Variants in TWIST2 observed in about 807,000 individuals in gnomAD.
The protein encoded by TWIST2 is twist-related protein 2.
TWIST2 carries 1 observed loss-of-function variant against 11.6 expected under a neutral mutation model. The ratio of observed to expected loss-of-function variants is 0.09; its 90% CI spans 0.03 to 0.41. TWIST2 has a LOEUF of 0.41. Ranked by LOEUF, TWIST2 falls within the 10% of genes least tolerant of loss-of-function variation. The pLI is 0.98. For missense variants in TWIST2, 168 were observed against 226.4 expected (o/e 0.74, Z 1.66); for synonymous variants, 87 against 96.6 (o/e 0.90, Z 0.58).
At position 238,848,627 on chromosome 2, in the gene TWIST2, C is replaced by T; in HGVS notation, c.412C>T (p.His138Tyr). ...GATGACCAGCTGCAGCTACGTGGCC[C>T]ACGAGCGCCTCAGCTACGCCTTCTC... is the stretch of plus-strand genomic sequence containing the variant. ...NKMTSCSYVA[H>Y]ERLSYAFSVW... The change falls in exon 1 of 2, where the codon CAC becomes TAC. Residue 138 changes from histidine (H) to tyrosine (Y), a missense_variant. Physicochemically the swap from His to Tyr is moderately conservative, Grantham distance 83. This residue lies in a region of TWIST2 where 62 missense variants were observed against 75.3 expected (regional missense o/e 0.82). Coordinates refer to ENST00000612363, the MANE Select transcript of TWIST2 (RefSeq NM_001271893.4). 1 of 1,543,598 alleles carries T rather than the reference C, an allele frequency of 6.5e-7. No individual in the cohort carries two copies. The highest frequency in any genetic ancestry group is 8.7e-7 in the Non-Finnish European group (1 of 1,150,602).
intron 1 of TWIST2, among the ~76,000 whole-genome samples, chr2:238,870,200 A>C (rs1483987792): frequency 5.9e-5 from 3 of 50,854 alleles, no homozygotes; most frequent in Admixed American, 2.3e-4. Flanking sequence ...CATACCACAC[A>C]CAAACCACAC....
chr2:238,887,402 C>T (rs1299561898), intron 1 of TWIST2: 1 of 152,118 alleles, frequency 6.6e-6, no homozygotes, highest in South Asian at 2.1e-4. Flanking sequence ...ATTCTGGTGC[C>T]CTGGGCATGT....
chr2:238,878,748 T>C (rs143892057), intron 1 of TWIST2, among the ~76,000 whole-genome samples: 17,522 of 151,412 alleles, frequency 0.12, 1,180 homozygotes, highest in Non-Finnish European at 0.15. Context: ...CGCTAATAAC[T>C]GTCTGTGACC....
In TWIST2 at chr2:238,863,370, T is replaced by G. The variant is rs1692467675; in HGVS notation, c.*35+14637T>G. ...TACATTAAAGATGCCCGTCCATCAT[T>G]TTCAGAAGAGGCCTTTCGTGTTAGG... On this transcript the variant is annotated intron_variant, in intron 1 of 1. Transcript: ENST00000612363. The surrounding 1 kb of genome is among the most constrained non-coding windows in gnomAD (Gnocchi z 4.7). 6.6e-6 allele frequency among the ~76,000 whole-genome samples: 1 copy of G among 152,220 alleles called. No individual in the cohort carries two copies. The highest frequency in any genetic ancestry group is 2.4e-5 in the African/African-American group (1 of 41,454).
intron 1 of TWIST2, among the ~76,000 whole-genome samples, chr2:238,868,918 C>T (rs971841774): frequency 5.3e-5 from 8 of 152,224 alleles, no homozygotes; most frequent in Admixed American, 1.3e-4. Flanking sequence ...TGCATTCTCT[C>T]GCATTTTCTA....
intron 1 of TWIST2, among the ~76,000 whole-genome samples, chr2:238,894,698 GCT>G (rs1693187266): frequency 1.0e-3 from 158 of 150,698 alleles, no homozygotes; most frequent in African/African-American, 3.8e-3. Flanking sequence ...CACCTTCCTG[GCT>G]GTGCCTCCCA....
intron 1 of TWIST2, among the ~76,000 whole-genome samples, chr2:238,909,360 G>T (rs891334408): frequency 6.6e-6 from 1 of 152,080 alleles, no homozygotes; most frequent in East Asian, 1.9e-4. Flanking sequence ...GACAGCTCCC[G>T]CCAGCGGCTG....
intron 1 of TWIST2, among the ~76,000 whole-genome samples, chr2:238,871,881 C>G (rs934030499): frequency 2.0e-5 from 3 of 151,972 alleles, no homozygotes; most frequent in Admixed American, 6.5e-5. Flanking sequence ...CGATGGCTGC[C>G]GGGGGCCGAG....
intron 1 of TWIST2, among the ~76,000 whole-genome samples, chr2:238,870,863 CCACA>C (rs377713722): frequency 0.14 from 7,660 of 55,058 alleles, 1,858 homozygotes; most frequent in African/African-American, 0.24. Flanking sequence ...ACACCTTACC[CCACA>C]CACACCACAC....
chr2:238,859,964 C>T (rs146035988), intron 1 of TWIST2, among the ~76,000 whole-genome samples: 3,615 of 152,266 alleles, frequency 0.024, 163 homozygotes, highest in African/African-American at 0.082. Flanking sequence ...AGCCTCCATG[C>T]TGCTTGCAGT....
intron 1 of TWIST2, among the ~76,000 whole-genome samples, chr2:238,890,871 G>A (rs971869995): frequency 2.6e-5 from 4 of 152,024 alleles, no homozygotes; most frequent in African/African-American, 7.2e-5. Flanking sequence ...GATTGAAATC[G>A]TTCTGCCCAC....
chr2:238,879,932 G>A (rs1027749943), intron 1 of TWIST2, among the ~76,000 whole-genome samples: 2 of 152,218 alleles, frequency 1.3e-5, no homozygotes, highest in African/African-American at 4.8e-5. Flanking sequence ...CTGCCAGCTG[G>A]GGCATGGTTC....
At chr2:238,906,993 G>A (rs1013866856) in intron 1 of TWIST2, among the ~76,000 whole-genome samples, 2 of 152,356 alleles carry the variant, frequency 1.3e-5, no homozygotes, top group South Asian at 2.1e-4. Flanking sequence ...AGGTGTGGGA[G>A]TGAGCACTTA....
chr2:238,852,108 G>A (rs1559265897), intron 1 of TWIST2, among the ~76,000 whole-genome samples: 2 of 151,904 alleles, frequency 1.3e-5, no homozygotes, highest in Non-Finnish European at 2.9e-5. Context: ...CACAGATGCC[G>A]GATTCCTTTT....
chr2:238,875,647 C>G (rs765087090), intron 1 of TWIST2, among the ~76,000 whole-genome samples: 1 of 152,116 alleles, frequency 6.6e-6, no homozygotes, highest in Non-Finnish European at 1.5e-5. Flanking sequence ...AAGAAAGTGC[C>G]GTGAACTTCA....
At chr2:238,892,570 T>C (rs1693157466) in intron 1 of TWIST2, among the ~76,000 whole-genome samples, 1 of 152,128 alleles carries the variant, frequency 6.6e-6, no homozygotes, top group Non-Finnish European at 1.5e-5. Flanking sequence ...AACCTCCGCC[T>C]CCCAGATTCA....
intron 1 of TWIST2, among the ~76,000 whole-genome samples, chr2:238,888,537 T>C (rs927975140): frequency 5.9e-5 from 9 of 152,198 alleles, no homozygotes; most frequent in African/African-American, 2.2e-4. Flanking sequence ...TGTATATTCA[T>C]GGGGTCTGTA....
At chr2:238,865,845 G>A (rs1692520218) in intron 1 of TWIST2, among the ~76,000 whole-genome samples, 1 of 152,154 alleles carries the variant, frequency 6.6e-6, no homozygotes, top group Non-Finnish European at 1.5e-5. Context: ...CAGTCTGTGC[G>A]ATGTCACCTT....
intron 1 of TWIST2, among the ~76,000 whole-genome samples, chr2:238,850,051 A>G (rs972087852): frequency 1.3e-5 from 2 of 152,186 alleles, no homozygotes; most frequent in Non-Finnish European, 2.9e-5. Context: ...GTTCTATAAT[A>G]TCTGCGAATG....
Sources: allele counts gnomAD v4.1 joint callset (sites outside exome capture counted in the v4.1 genomes callset), GRCh38; gene constraint gnomAD v4.1.1; regional missense constraint gnomAD v4.1.1; non-coding constraint Gnocchi (gnomAD v3.1); transcripts MANE v1.5; gene names NCBI Gene and HGNC (gene_info 2026-07-23, HGNC 2026-07-21).